SDK1: variants seen among roughly 807,000 people sequenced by gnomAD.
SDK1 encodes protein sidekick-1.
A neutral mutation model predicts 245.5 loss-of-function variants in SDK1; 157 were observed. The observed-to-expected ratio is 0.64, with a 90% CI of 0.56 to 0.73. The LOEUF is 0.73. Ranked by LOEUF, SDK1 falls within the 30% of genes least tolerant of loss-of-function variation. The pLI is 0.00. For synonymous variants in SDK1, 1,647 were observed against 1,278.5 expected (o/e 1.29, Z -6.15); for missense variants, 3,583 against 3,002.3 (o/e 1.19, Z -4.52).
At chr7:3,856,110 A>G (rs1402504681) in intron 5 of SDK1, among the ~76,000 whole-genome samples, 3 of 152,200 alleles carry the variant, frequency 2.0e-5, no homozygotes, top group Non-Finnish European at 2.9e-5. Flanking sequence ...GATGTGGAGT[A>G]AGGGAGGAAT....
At chr7:3,862,090 G>A (rs1780707712) in intron 5 of SDK1, among the ~76,000 whole-genome samples, 2 of 152,200 alleles carry the variant, frequency 1.3e-5, no homozygotes. Context: ...GGAGTTTCCT[G>A]CAGAAACATC....
At chr7:3,726,888 G>T (rs1011871365) in intron 4 of SDK1, among the ~76,000 whole-genome samples, 2 of 152,174 alleles carry the variant, frequency 1.3e-5, no homozygotes, top group African/African-American at 4.8e-5. Context: ...TAGTCCATTA[G>T]GGTGTAAATC....
In SDK1 at chr7:4,193,070, A is replaced by G. The variant is rs565917789; in HGVS notation, c.5099-12809A>G. Among the ~76,000 whole-genome samples the G allele has an allele frequency of 4.0e-4, 55 of 138,968 alleles. 1 individual carries two copies. Among genetic ancestry groups the G allele is most frequent in the African/African-American group, 9.5e-4 (36 of 37,820 alleles). 91.2% of individuals were successfully genotyped at this position (138,968 alleles called of 152,430 possible). On this transcript the variant is annotated intron_variant, in intron 35 of 44. Transcript: ENST00000404826. ...AAAAATATATAATATATATTATAATATATAATATATAAAATACAAATGTAT... is the reference window on the plus strand; with the variant it reads ...AAAAATATATAATATATATTATAATGTATAATATATAAAATACAAATGTAT...
chr7:3,847,783 A>G (rs1482463513), intron 5 of SDK1, among the ~76,000 whole-genome samples: 1 of 152,252 alleles, frequency 6.6e-6, no homozygotes, highest in African/African-American at 2.4e-5. Context: ...AAACCATGAC[A>G]TCATTCTTCT....
chr7:3,722,753 G>A (rs1404783583), intron 4 of SDK1, among the ~76,000 whole-genome samples: 8 of 152,144 alleles, frequency 5.3e-5, no homozygotes, highest in East Asian at 3.9e-4. Flanking sequence ...GGGGACTCGC[G>A]CGGGTGGCTC....
At chr7:3,889,546 C>T (rs563083163) in intron 5 of SDK1, among the ~76,000 whole-genome samples, 155 of 152,210 alleles carry the variant, frequency 1.0e-3, no homozygotes, top group African/African-American at 3.7e-3. Context: ...CTTGCTCTGC[C>T]ACCCAGGCTG....
chr7:3,627,510 G>A (rs1583244043), intron 2 of SDK1, among the ~76,000 whole-genome samples: 1 of 152,318 alleles, frequency 6.6e-6, no homozygotes, highest in Middle Eastern at 3.4e-3. Context: ...AAGAGTCACT[G>A]CATGTTTCCG....
intron 32 of SDK1, among the ~76,000 whole-genome samples, chr7:4,166,350 A>T (rs533230174): frequency 6.6e-6 from 1 of 152,386 alleles, no homozygotes; most frequent in African/African-American, 2.4e-5. Flanking sequence ...CAGAATGTGA[A>T]GAGCTTTCAT....
chr7:3,586,169 T>A (rs1780681542), intron 1 of SDK1, among the ~76,000 whole-genome samples: 1 of 151,254 alleles, frequency 6.6e-6, no homozygotes, highest in Non-Finnish European at 1.5e-5. Context: ...CAGTGAAGTG[T>A]GCCACACCCA....
intron 1 of SDK1, among the ~76,000 whole-genome samples, chr7:3,314,911 A>T (rs1779629951): frequency 6.6e-6 from 1 of 151,610 alleles, no homozygotes; most frequent in South Asian, 2.1e-4. Context: ...TTTTTTTTTA[A>T]AACTAAACCT....
chr7:3,342,458 C>T (rs1461032199), intron 1 of SDK1, among the ~76,000 whole-genome samples: 3 of 152,042 alleles, frequency 2.0e-5, no homozygotes, highest in Non-Finnish European at 4.4e-5. Context: ...TGTGGTGGCA[C>T]ATGCCTGTAA....
rs779499414 is a variant in SDK1, at chr7:3,332,840, C to G, written c.298+30956C>G. The stretch of plus-strand genomic sequence containing the variant: ...TCTGCCAAGTTTTTTATGTGATTCT[C>G]ATTATGTTAAATTTTATTATCAGTG... On this transcript the variant is annotated intron_variant, in intron 1 of 44. Transcript: ENST00000404826. Among the ~76,000 whole-genome samples the G allele has an allele frequency of 7.8e-4, 119 of 152,262 alleles. 2 individuals carry two copies. Among genetic ancestry groups the G allele is most frequent in the South Asian group, 1.2e-3 (6 of 4,820 alleles).
intron 4 of SDK1, among the ~76,000 whole-genome samples, chr7:3,724,118 C>T (rs1175544264): frequency 6.6e-6 from 1 of 151,962 alleles, no homozygotes; most frequent in Non-Finnish European, 1.5e-5. Flanking sequence ...CGTGTGCCAC[C>T]ATGCTCAGCT....
intron 1 of SDK1, among the ~76,000 whole-genome samples, chr7:3,341,514 AGGAGCAAAAC>A (rs1333513821): frequency 6.6e-6 from 1 of 152,194 alleles, no homozygotes; most frequent in Non-Finnish European, 1.5e-5. Context: ...ACCAAAAAGG[AGGAGCAAAAC>A]AGTCCCAGTT....
chr7:4,109,812 A>G (rs1186620280), intron 22 of SDK1, among the ~76,000 whole-genome samples: 1 of 152,216 alleles, frequency 6.6e-6, no homozygotes, highest in Non-Finnish European at 1.5e-5. Flanking sequence ...TCTTAAGAGC[A>G]CAAGGATGAG....
At chr7:3,540,169 G>A (rs1375546546) in intron 1 of SDK1, among the ~76,000 whole-genome samples, 1 of 152,226 alleles carries the variant, frequency 6.6e-6, no homozygotes, top group Non-Finnish European at 1.5e-5. Flanking sequence ...CACTTTGGAA[G>A]ACCAAGGCAG....
intron 20 of SDK1, among the ~76,000 whole-genome samples, chr7:4,069,798 A>G (rs1423759715): frequency 1.3e-5 from 2 of 152,062 alleles, no homozygotes; most frequent in Non-Finnish European, 2.9e-5. Flanking sequence ...GCCTTGTGGG[A>G]TCTCGTTTTG....
At chr7:3,877,300 C>G (rs970954783) in intron 5 of SDK1, among the ~76,000 whole-genome samples, 9 of 152,218 alleles carry the variant, frequency 5.9e-5, no homozygotes, top group Admixed American at 5.9e-4. Context: ...GGCCAATAAT[C>G]ATCTTGCAGA....
At position 3,880,667 on chromosome 7, in the gene SDK1, C is replaced by T. The variant is rs140946540; in HGVS notation, c.847+59084C>T. Reference sequence around the variant, plus strand: ...AGTGCTGCTGTACCACTCCCTCCCGCTCTTACTTGGTTTTCCCAAAAACAC... The same window carrying T: ...AGTGCTGCTGTACCACTCCCTCCCGTTCTTACTTGGTTTTCCCAAAAACAC... On this transcript the variant is annotated intron_variant, in intron 5 of 44. Coordinates refer to ENST00000404826, the MANE Select transcript of SDK1 (RefSeq NM_152744.4). 2.5e-3 allele frequency among the ~76,000 whole-genome samples: 375 copies of T among 151,530 alleles called. No individual in the cohort carries two copies. In the East Asian group the frequency reaches 0.027, roughly 11 times the overall value.
Sources: gnomAD v4.1 joint callset for allele counts (sites outside exome capture counted in the v4.1 genomes callset) on GRCh38, gnomAD v4.1.1 for gene constraint, MANE v1.5 for transcripts, NCBI Gene and HGNC (gene_info 2026-07-23, HGNC 2026-07-21) for gene names.